Variants in CA10 observed in about 807,000 individuals in gnomAD.
CA10 encodes carbonic anhydrase-related protein 10.
Under a neutral mutation model 44.2 loss-of-function variants are expected in CA10, and 14 were observed. The ratio of observed to expected loss-of-function variants is 0.32; its 90% confidence interval spans 0.21 to 0.50. CA10 has a LOEUF of 0.50. Among genes scored for constraint, CA10 ranks in the 20% least tolerant of loss-of-function variants. The pLI, the probability that CA10 is intolerant of heterozygous loss-of-function variation, is 0.99. For missense variants in CA10, 350 were observed against 409.7 expected (o/e 0.85, Z 1.26); for synonymous variants, 159 against 141.6 (o/e 1.12, Z -0.87).
chr17:52,110,831 C>A (rs534568700), intron 1 of CA10, among the ~76,000 whole-genome samples: 1 of 152,172 alleles, frequency 6.6e-6, no homozygotes, highest in African/African-American at 2.4e-5. Context: ...CATGGCCAAG[C>A]AGCTCCCATG....
chr17:51,701,061 A>C (rs1364091844), intron 4 of CA10, among the ~76,000 whole-genome samples: 2 of 152,140 alleles, frequency 1.3e-5, no homozygotes. Flanking sequence ...TATGCCCTGC[A>C]CATGTATCCC....
At chr17:51,961,132 C>T (rs999473505) in intron 2 of CA10, among the ~76,000 whole-genome samples, 12 of 151,614 alleles carry the variant, frequency 7.9e-5, no homozygotes, top group Non-Finnish European at 1.8e-4. Context: ...CTAGCCAGAA[C>T]CCACGATTGC....
chr17:51,820,949 A>C (rs1907757742), intron 3 of CA10, among the ~76,000 whole-genome samples: 1 of 151,904 alleles, frequency 6.6e-6, no homozygotes, highest in Non-Finnish European at 1.5e-5. Flanking sequence ...TTGTTACCCC[A>C]GGTGGAACTC....
Position 52,072,955 on chromosome 17 carries a change from T to C in CA10, c.62-562A>G, listed in dbSNP as rs377751937. Among the ~76,000 whole-genome samples, 7 of 152,208 alleles carry C rather than the reference T, an allele frequency of 4.6e-5. No homozygotes were observed. The East Asian group carries it at 1.4e-3, about 29-fold the overall frequency. ...CAAAAAGGGCAGAGGGCTCAAGATA[T>C]TGGAAAATATCGTGGAGATCTGTAA... On this transcript the variant is annotated intron_variant, in intron 1 of 8. Coordinates refer to ENST00000451037, the MANE Select transcript of CA10 (RefSeq NM_020178.5).
chr17:51,898,836 T>C (rs1023279176), intron 3 of CA10, among the ~76,000 whole-genome samples: 11 of 152,186 alleles, frequency 7.2e-5, no homozygotes, highest in African/African-American at 1.9e-4. Context: ...TATGTGTGCA[T>C]AGAGGTATTC....
intron 3 of CA10, among the ~76,000 whole-genome samples, chr17:51,851,403 A>T (rs910024924): frequency 2.0e-5 from 3 of 152,214 alleles, no homozygotes; most frequent in African/African-American, 7.2e-5. Context: ...CAGCTCTGCC[A>T]TTCTCAAGCT....
chr17:52,126,111 G>C (rs1388923288), intron 1 of CA10, among the ~76,000 whole-genome samples: 1 of 152,150 alleles, frequency 6.6e-6, no homozygotes, highest in Non-Finnish European at 1.5e-5. Flanking sequence ...ATATATACTA[G>C]TGGTAAGTGT....
intron 3 of CA10, among the ~76,000 whole-genome samples, chr17:51,842,296 G>A (rs375554918): frequency 2.6e-5 from 4 of 152,170 alleles, no homozygotes; most frequent in South Asian, 4.2e-4. Flanking sequence ...TGTTAGAATA[G>A]GATCAGGCTC....
intron 3 of CA10, among the ~76,000 whole-genome samples, chr17:51,823,541 C>T (rs767203961): frequency 2.6e-5 from 4 of 152,226 alleles, no homozygotes; most frequent in Non-Finnish European, 5.9e-5. Flanking sequence ...CAGGATGAAG[C>T]CTAGTTGTGC....
At chr17:51,854,534 G>A (rs996657036) in intron 3 of CA10, among the ~76,000 whole-genome samples, 1 of 152,194 alleles carries the variant, frequency 6.6e-6, no homozygotes, top group Non-Finnish European at 1.5e-5. Flanking sequence ...GAACTTGGAT[G>A]AAGAGATGAG....
chr17:52,112,229 A>G (rs1047315015), intron 1 of CA10, among the ~76,000 whole-genome samples: 15 of 152,196 alleles, frequency 9.9e-5, no homozygotes, highest in Non-Finnish European at 1.6e-4. Context: ...GGGCAATACA[A>G]AAAGTTCTCT....
intron 2 of CA10, among the ~76,000 whole-genome samples, chr17:52,061,113 A>C (rs1432258477): frequency 1.3e-5 from 2 of 152,184 alleles, no homozygotes; most frequent in African/African-American, 4.8e-5. Flanking sequence ...AAACCTGTGA[A>C]TGTGTTACCT....
chr17:52,077,734 C>T (rs1294405150), intron 1 of CA10, among the ~76,000 whole-genome samples: 4 of 151,894 alleles, frequency 2.6e-5, no homozygotes, highest in African/African-American at 9.7e-5. Flanking sequence ...AGGTATCTAT[C>T]ATACTAAATC....
chr17:51,738,959 A>G (rs947450668), intron 4 of CA10, among the ~76,000 whole-genome samples: 24 of 152,102 alleles, frequency 1.6e-4, no homozygotes, highest in Non-Finnish European at 4.4e-5. Context: ...CCTTTCTGGC[A>G]TTTGATTTTT....
chr17:51,631,438 A>G lies in CA10; in HGVS notation c.*146T>C. On this transcript the variant is annotated 3_prime_UTR_variant, in exon 9 of 9. Transcript: ENST00000451037. ...ATTCCTCTGCCATGGTTTTGCAGAC[A>G]CTTTTCATGAAGAAAGGGCCAATCC... 5.1e-6 allele frequency: 4 copies of G among 778,744 alleles called. No individual in the cohort carries two copies. The highest frequency in any genetic ancestry group is 2.1e-5 in the Admixed American group (1 of 48,586). 48.2% of individuals were successfully genotyped at this position (778,744 alleles called of 1,614,324 possible).
chr17:51,705,453 T>G (rs1915734127), intron 4 of CA10, among the ~76,000 whole-genome samples: 1 of 152,156 alleles, frequency 6.6e-6, no homozygotes, highest in Non-Finnish European at 1.5e-5. Flanking sequence ...GGGTCTAGTT[T>G]GCTCACTACT....
At chr17:51,820,162 T>A (rs1018621340) in intron 3 of CA10, among the ~76,000 whole-genome samples, 4 of 143,898 alleles carry the variant, frequency 2.8e-5, no homozygotes, top group Non-Finnish European at 6.0e-5. Flanking sequence ...GAAGTCTGAC[T>A]CCAGAACATG....
At chr17:51,737,488 A>G (rs563013924) in intron 4 of CA10, among the ~76,000 whole-genome samples, 25 of 152,256 alleles carry the variant, frequency 1.6e-4, no homozygotes, top group Admixed American at 9.2e-4. Context: ...TGGCTTAAAA[A>G]GCCCTATCAC....
At chr17:51,936,857 T>C (rs931061994) in intron 2 of CA10, among the ~76,000 whole-genome samples, 5 of 152,144 alleles carry the variant, frequency 3.3e-5, no homozygotes, top group African/African-American at 7.2e-5. Context: ...GTTGGGGACA[T>C]AGGTTTTTAA....
Sources: allele counts gnomAD v4.1 joint callset (sites outside exome capture counted in the v4.1 genomes callset), GRCh38; gene constraint gnomAD v4.1.1; transcripts MANE v1.5; gene names NCBI Gene and HGNC (gene_info 2026-07-23, HGNC 2026-07-21).